Variants in IL2RB observed in about 807,000 individuals in gnomAD.
The protein encoded by IL2RB is interleukin-2 receptor subunit beta.
A neutral mutation model predicts 44.2 loss-of-function variants in IL2RB; 17 were observed. The observed-to-expected ratio is 0.38, with a 90% confidence interval of 0.26 to 0.58. The LOEUF (loss-of-function observed/expected upper bound fraction) is 0.58, where lower values mean the gene tolerates loss of function less well. Ranked by LOEUF, IL2RB falls within the 20% of genes least tolerant of loss-of-function variation. IL2RB has a pLI of 0.63. For synonymous variants in IL2RB, 286 were observed against 297.9 expected (o/e 0.96, Z 0.41); for missense variants, 624 against 685.5 (o/e 0.91, Z 1.00).
chr22:37,158,700 C>T (rs1352565154), intron 1 of IL2RB, among the ~76,000 whole-genome samples: 1 of 152,202 alleles, frequency 6.6e-6, no homozygotes. Context: ...GCCCTGTGTT[C>T]GAAGGCATGA....
Position 37,137,600 on chromosome 22 carries a change from C to T in IL2RB, c.524G>A (p.Gly175Asp). 6.2e-7 allele frequency: 1 copy of T among 1,614,118 alleles called. No homozygotes were observed. The highest frequency in any genetic ancestry group is 2.2e-5 in the East Asian group (1 of 44,890). Reference protein sequence around the residue: ...LEFEARTLSPGHTWEEAPLLT... With the variant: ...LEFEARTLSPDHTWEEAPLLT... Reference sequence around the variant, plus strand: ...CCACATTCTCACCTCCCAGGTGTGGCCTGGGGACAGCGTCCGGGCCTCGAA... The same window carrying T: ...CCACATTCTCACCTCCCAGGTGTGGTCTGGGGACAGCGTCCGGGCCTCGAA... The change falls in exon 6 of 10, where the codon GGC (glycine) becomes GAC (aspartate). Residue 175 changes from glycine (G) to aspartate (D), a missense_variant. Around this residue, in one of 3 missense-constraint regions of IL2RB, gnomAD observed 255 missense variants for 339.9 expected, o/e 0.75. Coordinates refer to ENST00000216223, the MANE Select transcript of IL2RB (RefSeq NM_000878.5).
chr22:37,150,151 G>T (rs1192336190), upstream of IL2RB, among the ~76,000 whole-genome samples: 1 of 149,384 alleles, frequency 6.7e-6, no homozygotes, highest in East Asian at 2.0e-4. Context: ...GTCAAATAGG[G>T]GCCTAGCTGC....
At chr22:37,164,873 A>G (rs1401515083) in intron 1 of IL2RB, among the ~76,000 whole-genome samples, 1 of 152,170 alleles carries the variant, frequency 6.6e-6, no homozygotes, top group East Asian at 1.9e-4. Flanking sequence ...TTCTAAGTAC[A>G]CATGTTGATT....
intron 1 of IL2RB, among the ~76,000 whole-genome samples, chr22:37,144,783 C>T (rs1922146317): frequency 2.0e-5 from 3 of 152,140 alleles, no homozygotes; most frequent in Admixed American, 2.0e-4. Flanking sequence ...TTACTCACCA[C>T]CCCCCTACAT....
intron 1 of IL2RB, among the ~76,000 whole-genome samples, chr22:37,158,497 G>C (rs1456055988): frequency 6.6e-6 from 1 of 152,148 alleles, no homozygotes; most frequent in South Asian, 2.1e-4. Context: ...GGCAGAGGTT[G>C]CAGTGAGCCA....
intron 8 of IL2RB, among the ~76,000 whole-genome samples, chr22:37,135,079 C>T (rs552543506): frequency 6.6e-6 from 1 of 152,240 alleles, no homozygotes; most frequent in East Asian, 1.9e-4. Flanking sequence ...CCACAGGGCC[C>T]CCCTGTGGGG....
Position 37,128,283 on chromosome 22 carries a change from T to TC in IL2RB, c.1468dup (p.Glu490GlyfsTer13), listed in dbSNP as rs764400971. ...CTCCCCAGCCTCTCGCAGCACCAGC[T>TC]CAGGGGGTGGCTGAAAATCCACCAG... On this transcript the variant is annotated frameshift_variant, in exon 10 of 10. Coordinates refer to ENST00000216223, the MANE Select transcript of IL2RB (RefSeq NM_000878.5). LOFTEE classifies it low-confidence loss of function (END_TRUNC). This position sits in a 1 kb window ranked among gnomAD's most constrained non-coding sequence, Gnocchi z 4.5. 1 of 1,501,124 alleles carries TC rather than the reference T, an allele frequency of 6.7e-7. No individual in the cohort carries two copies. Among genetic ancestry groups the TC allele is most frequent in the Non-Finnish European group, 8.9e-7 (1 of 1,125,888 alleles). The allele number at this position is 1,501,124 out of a possible 1,614,324, so 93.0% of individuals were successfully genotyped here. A position where few individuals can be genotyped will look rare whatever the true frequency, so the allele number is the denominator to read the frequency against.
At chr22:37,167,324 C>T (rs915313887) in intron 1 of IL2RB, among the ~76,000 whole-genome samples, 5 of 152,158 alleles carry the variant, frequency 3.3e-5, no homozygotes, top group African/African-American at 9.7e-5. Flanking sequence ...CAGCCCCAGC[C>T]GGCACCCTCA....
upstream of IL2RB, among the ~76,000 whole-genome samples, chr22:37,153,897 G>A (rs1188714855): frequency 1.3e-5 from 2 of 152,244 alleles, no homozygotes; most frequent in Non-Finnish European, 2.9e-5. Context: ...AGGAGCAGCT[G>A]CGTACAGCTA....
At chr22:37,142,693 T>C in intron 3 of IL2RB, 181 bp from the exon 4 acceptor site, 1 of 718,664 alleles carries the variant, frequency 1.4e-6, no homozygotes, top group Non-Finnish European at 2.6e-6. Flanking sequence ...CATTCCTCCC[T>C]CATGGGCACC....
At chr22:37,152,664 C>G (rs1299064183), upstream of IL2RB, among the ~76,000 whole-genome samples, 1 of 152,120 alleles carries the variant, frequency 6.6e-6, no homozygotes, top group East Asian at 1.9e-4. Flanking sequence ...GAACCTTCCT[C>G]TTCCTCTCAA....
At position 37,128,063 on chromosome 22, in the gene IL2RB, G is replaced by T; in HGVS notation, c.*33C>A. 1 of 1,486,940 alleles carries T rather than the reference G, an allele frequency of 6.7e-7. No individual in the cohort carries two copies. Among genetic ancestry groups the T allele is most frequent in the South Asian group, 1.4e-5 (1 of 70,440 alleles). The allele number at this position is 1,486,940 out of a possible 1,614,324, so 92.1% of individuals were successfully genotyped here. Reference sequence around the variant, plus strand: ...TCCTTCTGAGGCTCGGCGCAGAGCAGGCAGCTGCCTGCCTCCCACCCTGGC... The same window carrying T: ...TCCTTCTGAGGCTCGGCGCAGAGCATGCAGCTGCCTGCCTCCCACCCTGGC... On this transcript the variant is annotated 3_prime_UTR_variant, in exon 10 of 10. Transcript: ENST00000216223. The surrounding 1 kb of genome is among the most constrained non-coding windows in gnomAD (Gnocchi z 4.5).
At chr22:37,140,501 C>T (rs182361872) in intron 4 of IL2RB, among the ~76,000 whole-genome samples, 1 of 152,150 alleles carries the variant, frequency 6.6e-6, no homozygotes, top group African/African-American at 2.4e-5. Flanking sequence ...CACAGAGAGC[C>T]TTAGGGACTT....
intron 9 of IL2RB, among the ~76,000 whole-genome samples, chr22:37,131,328 G>A (rs1028535990): frequency 1.3e-4 from 20 of 151,962 alleles, no homozygotes; most frequent in Non-Finnish European, 2.5e-4. Flanking sequence ...TTCCTCCTCC[G>A]CCACTCTTCT....
At chr22:37,158,476 T>G (rs1312087537) in intron 1 of IL2RB, among the ~76,000 whole-genome samples, 1 of 152,038 alleles carries the variant, frequency 6.6e-6, no homozygotes, top group African/African-American at 2.4e-5. Context: ...AAGAATCACT[T>G]GAACCCGGGA....
chr22:37,140,060 G>A (rs1227503356), intron 4 of IL2RB, among the ~76,000 whole-genome samples: 1 of 152,222 alleles, frequency 6.6e-6, no homozygotes, highest in African/African-American at 2.4e-5. Context: ...CCCTGCGGGA[G>A]GAAGCTCTAG....
Position 37,144,120 on chromosome 22 carries a change from G to A in IL2RB, c.53C>T (p.Pro18Leu), listed in dbSNP as rs1217784015. The A allele has an allele frequency of 6.4e-7, 1 of 1,552,464 alleles. No homozygotes were observed. Residue 18 changes from proline to leucine, a missense_variant, in exon 2 of 10, where the codon CCC becomes CTC. Coordinates refer to ENST00000216223, the MANE Select transcript of IL2RB (RefSeq NM_000878.5). ...TGCAGATGCCCAAGAGGTAGCCAGG[G>A]GCAGGAGGAGGATGAGGAGGGGCAG... is the stretch of plus-strand genomic sequence containing the variant. ...WRLPLLILLL[P>L]LATSWASAAV...
chr22:37,166,286 G>A (rs1019890031), intron 1 of IL2RB, among the ~76,000 whole-genome samples: 1 of 149,532 alleles, frequency 6.7e-6, no homozygotes, highest in Non-Finnish European at 1.5e-5. Context: ...ACCTCCTGCC[G>A]AGAGGAAGCC....
chr22:37,128,067 G>T lies in IL2RB; in HGVS notation c.*29C>A. 2.0e-6 allele frequency: 3 copies of T among 1,491,320 alleles called. No individual in the cohort carries two copies. Among genetic ancestry groups the T allele is most frequent in the Non-Finnish European group, 2.7e-6 (3 of 1,125,656 alleles). 92.4% of individuals were successfully genotyped at this position (1,491,320 alleles called of 1,614,324 possible). On this transcript the variant is annotated 3_prime_UTR_variant, in exon 10 of 10. Transcript: ENST00000216223. This position sits in a 1 kb window ranked among gnomAD's most constrained non-coding sequence, Gnocchi z 4.5. ...TCTGAGGCTCGGCGCAGAGCAGGCA[G>T]CTGCCTGCCTCCCACCCTGGCCATC...
Sources: allele counts gnomAD v4.1 joint callset (sites outside exome capture counted in the v4.1 genomes callset), GRCh38; gene constraint gnomAD v4.1.1; regional missense constraint gnomAD v4.1.1; non-coding constraint Gnocchi (gnomAD v3.1); transcripts MANE v1.5; gene names NCBI Gene and HGNC (gene_info 2026-07-23, HGNC 2026-07-21).